The following TXK variants were observed in gnomAD, a reference collection of about 807,000 sequenced individuals.
The protein encoded by TXK is tyrosine-protein kinase TXK.
In TXK, 60 loss-of-function variants were observed where a neutral mutation model predicts 81.0. The observed-to-expected ratio is 0.74, with a 90% CI of 0.60 to 0.92. The LOEUF is 0.92. Ranked by LOEUF, TXK falls within the 40% of genes least tolerant of loss-of-function variation. TXK has a pLI of 0.00. For synonymous variants in TXK, 203 were observed against 210.7 expected (o/e 0.96, Z 0.32); for missense variants, 581 against 638.3 (o/e 0.91, Z 0.97).
chr4:48,086,478 G>C lies in TXK; in HGVS notation c.944C>G (p.Ala315Gly). ...SMSEEDFIEE[A>G]KVMMKLSHSK... The stretch of plus-strand genomic sequence containing the variant: ...TGTTTATACGTACATCATCACTTTG[G>C]CCTCTTCAATGAAATCCTCTTCAGA... The change falls in exon 10 of 15, where the codon GCC becomes GGC. Residue 315 changes from alanine to glycine, a missense_variant. Transcript: ENST00000264316. 1 of 1,613,876 alleles carries C rather than the reference G, an allele frequency of 6.2e-7. No individual in the cohort carries two copies. Among genetic ancestry groups the C allele is most frequent in the Non-Finnish European group, 8.5e-7 (1 of 1,179,914 alleles).
intron 10 of TXK, among the ~76,000 whole-genome samples, chr4:48,081,966 T>A (rs573058302): frequency 4.6e-4 from 70 of 152,334 alleles, no homozygotes; most frequent in African/African-American, 1.6e-3. Context: ...CAAGTCTTGA[T>A]GACTTTATCT....
At chr4:48,074,083 G>A in intron 12 of TXK, 30 bp from the exon 13 acceptor site, 1 of 1,499,720 alleles carries the variant, frequency 6.7e-7, no homozygotes, top group Non-Finnish European at 9.3e-7. Flanking sequence ...AGCATATTGT[G>A]TTAATTACCT....
At chr4:48,094,732 T>G (rs564966275) in intron 7 of TXK, among the ~76,000 whole-genome samples, 3 of 152,178 alleles carry the variant, frequency 2.0e-5, no homozygotes, top group Non-Finnish European at 4.4e-5. Flanking sequence ...CTAGCATTGC[T>G]CCTGGGATGT....
intron 10 of TXK, 36 bp from the exon 11 acceptor site, chr4:48,080,164 G>A (rs1717242454): frequency 6.6e-7 from 1 of 1,514,710 alleles, no homozygotes; most frequent in Admixed American, 1.7e-5. Flanking sequence ...GAGCAGAATT[G>A]TGTTTGCATT....
At chr4:48,112,635 C>T (rs1040610706) in intron 3 of TXK, 123 bp from the exon 4 acceptor site, 1 of 945,554 alleles carries the variant, frequency 1.1e-6, no homozygotes, top group African/African-American at 1.7e-5. Flanking sequence ...AAGGCAGAAG[C>T]CAGGATGAGA....
Position 48,086,655 on chromosome 4 carries a change from C to T in TXK, c.785-18G>A, listed in dbSNP as rs1560345684. On this transcript the variant is annotated intron_variant, in intron 9 of 14. Coordinates refer to ENST00000264316, the MANE Select transcript of TXK (RefSeq NM_003328.3). Reference sequence around the variant, plus strand: ...CCACTTTTCTGAAAAAGTAAAACATCCATGTTACAAGTAGAAAGAAAGACT... The same window carrying T: ...CCACTTTTCTGAAAAAGTAAAACATTCATGTTACAAGTAGAAAGAAAGACT... 2 of 1,608,768 alleles carry T rather than the reference C, an allele frequency of 1.2e-6. No homozygotes were observed. Among genetic ancestry groups the T allele is most frequent in the South Asian group, 2.2e-5 (2 of 90,784 alleles).
intron 6 of TXK, among the ~76,000 whole-genome samples, chr4:48,095,427 G>A (rs1717944621): frequency 6.6e-6 from 1 of 152,130 alleles, no homozygotes; most frequent in African/African-American, 2.4e-5. Flanking sequence ...AAAATAAATT[G>A]TAATTGGGAC....
chr4:48,112,066 G>A (rs1718650463), intron 4 of TXK, among the ~76,000 whole-genome samples: 1 of 152,202 alleles, frequency 6.6e-6, no homozygotes, highest in South Asian at 2.1e-4. Context: ...AAAACTCAGA[G>A]ACGGTAAGTG....
intron 1 of TXK, among the ~76,000 whole-genome samples, chr4:48,128,028 A>G (rs1719138111): frequency 6.6e-6 from 1 of 152,224 alleles, no homozygotes; most frequent in Non-Finnish European, 1.5e-5. Context: ...TGAAGAGGAC[A>G]AAGGAACAGA....
Position 48,067,668 on chromosome 4 carries a change from C to A in TXK, c.1553G>T (p.Arg518Leu), listed in dbSNP as rs202057212. 3 of 1,614,016 alleles carry A rather than the reference C, an allele frequency of 1.9e-6. No individual in the cohort carries two copies. The highest frequency in any genetic ancestry group is 3.3e-4 in the Middle Eastern group (2 of 6,062). Residue 518 changes from arginine (R) to leucine (L), a missense_variant, in exon 15 of 15, where the codon CGG (arginine) becomes CTG (leucine). Physicochemically the swap from Arg to Leu is moderately radical, Grantham distance 102 (BLOSUM62 -2). Transcript: ENST00000264316. ...EGRPTFAELL[R>L]AVTEIAETW is the part of the protein sequence containing the mutation. ...GGTTTCCGCAATCTCTGTGACAGCC[C>A]GCAGCAGCTCGGCAAATGTAGGGCG...
intron 5 of TXK, 75 bp from the exon 6 acceptor site, chr4:48,105,030 T>C (rs1401927497): frequency 1.9e-6 from 2 of 1,079,916 alleles, no homozygotes; most frequent in African/African-American, 1.6e-5. Flanking sequence ...ATTTTCTTCA[T>C]TTTTAAGAAC....
intron 1 of TXK, among the ~76,000 whole-genome samples, chr4:48,121,028 T>C (rs1393570229): frequency 6.6e-6 from 1 of 152,230 alleles, no homozygotes; most frequent in African/African-American, 2.4e-5. Flanking sequence ...TTTGCTGCTT[T>C]GTTCTCTACC....
intron 10 of TXK, among the ~76,000 whole-genome samples, chr4:48,084,284 G>T (rs940653144): frequency 3.3e-5 from 5 of 151,550 alleles, no homozygotes; most frequent in Non-Finnish European, 7.4e-5. Flanking sequence ...TGTAGAGACA[G>T]GGTTTCGCCA....
intron 5 of TXK, among the ~76,000 whole-genome samples, chr4:48,108,008 T>C (rs897915062): frequency 4.6e-5 from 7 of 151,442 alleles, no homozygotes; most frequent in African/African-American, 1.7e-4. Flanking sequence ...GAGGCAGAGC[T>C]TGCAGTGAGC....
chr4:48,113,773 C>A (rs953631133), intron 2 of TXK, among the ~76,000 whole-genome samples: 1 of 151,898 alleles, frequency 6.6e-6, no homozygotes, highest in Non-Finnish European at 1.5e-5. Context: ...AGCAATGTAA[C>A]CTCTCTAATC....
intron 1 of TXK, among the ~76,000 whole-genome samples, chr4:48,129,970 C>T (rs1302512700): frequency 1.3e-5 from 2 of 152,202 alleles, no homozygotes; most frequent in South Asian, 2.1e-4. Context: ...CACTGACCCT[C>T]GGTGGGCAGG....
chr4:48,084,069 T>A (rs143076794), intron 10 of TXK, among the ~76,000 whole-genome samples: 209 of 152,316 alleles, frequency 1.4e-3, no homozygotes, highest in African/African-American at 4.7e-3. Context: ...ATTTTCTGCC[T>A]CACTTTTTTA....
chr4:48,090,393 G>T (rs1418596169), intron 8 of TXK, among the ~76,000 whole-genome samples: 2 of 152,302 alleles, frequency 1.3e-5, no homozygotes, highest in Non-Finnish European at 2.9e-5. Flanking sequence ...CACCAACGGT[G>T]TTGAAGTGTG....
intron 11 of TXK, 32 bp downstream of exon 11, chr4:48,079,879 CA>C (rs11358014): frequency 0.6 from 751,424 of 1,250,576 alleles, 199,696 homozygotes; most frequent in Non-Finnish European, 0.64. Flanking sequence ...AGGTATGATA[CA>C]AAAAAAAAAA....
Sources: allele counts gnomAD v4.1 joint callset (sites outside exome capture counted in the v4.1 genomes callset), GRCh38; gene constraint gnomAD v4.1.1; transcripts MANE v1.5; gene names NCBI Gene and HGNC (gene_info 2026-07-23, HGNC 2026-07-21).